MALRD1: variants seen among roughly 807,000 people sequenced by gnomAD.
MALRD1 encodes the protein MAM and LDL-receptor class A domain-containing protein 1.
A neutral mutation model predicts 242.1 loss-of-function variants in MALRD1; 247 were observed. That is an observed-to-expected ratio of 1.02 (90% confidence interval 0.92 to 1.13). MALRD1 has a LOEUF of 1.13. Ranked by LOEUF, MALRD1 falls within the 50% of genes most tolerant of loss-of-function variation. The pLI is 0.00. For synonymous variants in MALRD1, 995 were observed against 866.6 expected (o/e 1.15, Z -2.60); for missense variants, 2,989 against 2,533.1 (o/e 1.18, Z -3.86).
chr10:19,110,872 A>G (rs538934029), intron 5 of MALRD1, among the ~76,000 whole-genome samples: 17 of 152,178 alleles, frequency 1.1e-4, no homozygotes, highest in Admixed American at 2.0e-4. Flanking sequence ...GGCTAATCAC[A>G]TTCAAAGGAG....
At chr10:19,367,706 A>C (rs7904877) in intron 26 of MALRD1, among the ~76,000 whole-genome samples, 119,163 of 152,030 alleles carry the variant, frequency 0.78, 47,197 homozygotes, top group African/African-American at 0.89. Flanking sequence ...TAGTGGCTGC[A>C]CTAGTTTTCA....
At chr10:19,229,051 CA>C (rs1837930745) in intron 18 of MALRD1, among the ~76,000 whole-genome samples, 1 of 151,888 alleles carries the variant, frequency 6.6e-6, no homozygotes, top group Non-Finnish European at 1.5e-5. Flanking sequence ...GGTTTTGTAG[CA>C]TCACTTTGAT....
chr10:19,704,288 G>A (rs7913905), intron 38 of MALRD1, among the ~76,000 whole-genome samples: 1 of 152,062 alleles, frequency 6.6e-6, no homozygotes, highest in South Asian at 2.1e-4. Context: ...AAGCATTTAA[G>A]TCTCACAGTT....
intron 38 of MALRD1, among the ~76,000 whole-genome samples, chr10:19,704,339 C>T (rs1222267700): frequency 6.6e-6 from 1 of 152,132 alleles, no homozygotes; most frequent in Non-Finnish European, 1.5e-5. Flanking sequence ...CTGGCAGATT[C>T]AGTTTCTGGT....
chr10:19,636,454 A>C (rs978186698), intron 36 of MALRD1, among the ~76,000 whole-genome samples: 2 of 152,224 alleles, frequency 1.3e-5, no homozygotes, highest in East Asian at 3.9e-4. Flanking sequence ...GAACAAAAGA[A>C]GTATAGACCA....
At chr10:19,644,712 C>A (rs1032811151) in intron 36 of MALRD1, among the ~76,000 whole-genome samples, 1 of 152,104 alleles carries the variant, frequency 6.6e-6, no homozygotes, top group African/African-American at 2.4e-5. Flanking sequence ...GCACCATTGT[C>A]TCATTTAATT....
intron 21 of MALRD1, among the ~76,000 whole-genome samples, chr10:19,305,909 C>G (rs1233149258): frequency 8.0e-6 from 1 of 124,378 alleles, no homozygotes; most frequent in Non-Finnish European, 1.6e-5. Flanking sequence ...ATACTATATA[C>G]TATATTATAT....
Position 19,156,462 on chromosome 10 carries a change from G to GTTT in MALRD1, c.1656+1305_1656+1307dup, listed in dbSNP as rs36080909. On this transcript the variant is annotated intron_variant, in intron 12 of 39. Transcript: ENST00000454679. Reference sequence around the variant, plus strand: ...AAAAAGAGAAAGATAGATATAGAGCGTTTTTTTTTTTTTTTTTGAGGGGAA... The same window carrying GTTT: ...AAAAAGAGAAAGATAGATATAGAGCGTTTTTTTTTTTTTTTTTTTTGAGGGGAA... Among the ~76,000 whole-genome samples, 89 of 126,560 alleles carry GTTT rather than the reference G, an allele frequency of 7.0e-4. 1 individual carries two copies. The highest frequency in any genetic ancestry group is 1.3e-3 in the Admixed American group (17 of 12,602). 83.0% of individuals were successfully genotyped at this position (126,560 alleles called of 152,430 possible).
At chr10:19,386,722 A>ACT (rs34498676) in intron 26 of MALRD1, among the ~76,000 whole-genome samples, 1 of 3,222 alleles carries the variant, frequency 3.1e-4, no homozygotes, top group Non-Finnish European at 9.2e-4. Flanking sequence ...ATATACATAT[A>ACT]CACACACACA....
rs374820504 is a variant in MALRD1 at position 19,647,853 on chromosome 10, A to G, written c.6137+31930A>G. 8.5e-5 allele frequency among the ~76,000 whole-genome samples: 13 copies of G among 152,296 alleles called. No individual in the cohort carries two copies. The East Asian group carries it at 1.4e-3, about 16-fold the overall frequency. ...CATAAAACTAGGCAAAATACATGAC[A>G]CAACTTTTTTCCAACACTGGACAAG... On this transcript the variant is annotated intron_variant, in intron 36 of 39. Coordinates refer to ENST00000454679, the MANE Select transcript of MALRD1 (RefSeq NM_001142308.3).
intron 26 of MALRD1, among the ~76,000 whole-genome samples, chr10:19,376,116 C>T (rs1845578812): frequency 1.3e-5 from 2 of 152,118 alleles, no homozygotes; most frequent in Non-Finnish European, 1.5e-5. Flanking sequence ...AGCGAGACTT[C>T]GTCTCAAAAA....
At chr10:19,219,100 T>C (rs1837453120) in intron 18 of MALRD1, among the ~76,000 whole-genome samples, 1 of 152,158 alleles carries the variant, frequency 6.6e-6, no homozygotes, top group African/African-American at 2.4e-5. Context: ...TCTGAAACTG[T>C]ATCTATTTTT....
Position 19,314,936 on chromosome 10 carries a change from T to C in MALRD1, c.3420-9013T>C, listed in dbSNP as rs971742335. ...TTTCATAGAATGCAAATTAATTCACTTTATCAAGAAAATCTTGCTATGGAA... is the reference window on the plus strand; with the variant it reads ...TTTCATAGAATGCAAATTAATTCACCTTATCAAGAAAATCTTGCTATGGAA... On this transcript the variant is annotated intron_variant, in intron 21 of 39. Transcript: ENST00000454679. Among the ~76,000 whole-genome samples the C allele has an allele frequency of 1.5e-4, 22 of 150,392 alleles. 1 individual carries two copies. The highest frequency in any genetic ancestry group is 4.6e-4 in the African/African-American group (19 of 41,206).
intron 13 of MALRD1, among the ~76,000 whole-genome samples, chr10:19,168,329 G>T (rs1008596979): frequency 2.0e-5 from 3 of 152,136 alleles, no homozygotes; most frequent in Admixed American, 6.5e-5. Flanking sequence ...TTGATCTTTT[G>T]CCTCCTGCAT....
intron 31 of MALRD1, among the ~76,000 whole-genome samples, chr10:19,530,366 A>T (rs1385189209): frequency 2.8e-5 from 3 of 106,992 alleles, no homozygotes; most frequent in African/African-American, 1.8e-4. Flanking sequence ...TATTTATATA[A>T]ATATTTATAT....
chr10:19,074,820 T>C (rs916110201), intron 2 of MALRD1, among the ~76,000 whole-genome samples: 8 of 152,092 alleles, frequency 5.3e-5, no homozygotes, highest in South Asian at 2.1e-4. Flanking sequence ...AATTTATAGA[T>C]GGATATATTC....
At chr10:19,294,070 A>G (rs1564537248) in intron 21 of MALRD1, among the ~76,000 whole-genome samples, 1 of 152,198 alleles carries the variant, frequency 6.6e-6, no homozygotes, top group South Asian at 2.1e-4. Context: ...AAAAAGGTCT[A>G]TAAAATTATG....
intron 26 of MALRD1, among the ~76,000 whole-genome samples, chr10:19,386,721 T>C (rs7090471): frequency 5.2e-4 from 77 of 149,010 alleles, no homozygotes; most frequent in African/African-American, 1.1e-3. Context: ...CATATACATA[T>C]ACACACACAC....
At chr10:19,210,008 C>T (rs1457325520) in intron 18 of MALRD1, among the ~76,000 whole-genome samples, 1 of 152,078 alleles carries the variant, frequency 6.6e-6, no homozygotes, top group Non-Finnish European at 1.5e-5. Flanking sequence ...TGATATTTTG[C>T]AAAGAGCACA....
Sources: allele counts gnomAD v4.1 joint callset (sites outside exome capture counted in the v4.1 genomes callset), GRCh38; gene constraint gnomAD v4.1.1; transcripts MANE v1.5; gene names NCBI Gene and HGNC (gene_info 2026-07-23, HGNC 2026-07-21).